Variants in CEP170 observed in about 807,000 individuals in gnomAD.
CEP170 encodes the protein centrosomal protein of 170 kDa.
In CEP170, 21 loss-of-function variants were observed where a neutral mutation model predicts 151.9. The ratio of observed to expected loss-of-function variants is 0.14; its 90% CI spans 0.10 to 0.20. The LOEUF (loss-of-function observed/expected upper bound fraction) is 0.20. CEP170 is among the 10% of genes least tolerant of loss of function. The probability of loss-of-function intolerance (pLI) is 1.00; values close to 1 mark genes in which losing one functional copy is unlikely to be tolerated. For missense variants in CEP170, 964 were observed against 1,892.9 expected, an observed-to-expected ratio of 0.51 and a Z score of 9.11; for synonymous variants, 356 against 648.8, an observed-to-expected ratio of 0.55 and a Z score of 6.86.
At chr1:243,183,046 C>T (rs566010892) in intron 10 of CEP170, among the ~76,000 whole-genome samples, 4,823 of 151,482 alleles carry the variant, frequency 0.032, 257 homozygotes, top group African/African-American at 0.11. Flanking sequence ...GAGATCTCCT[C>T]TTGGAAGCTA....
chr1:243,206,397 T>G (rs1314871410), intron 4 of CEP170, among the ~76,000 whole-genome samples: 9 of 152,210 alleles, frequency 5.9e-5, no homozygotes, highest in Non-Finnish European at 1.0e-4. Flanking sequence ...CCTCCCAAAG[T>G]GCTGGGATTA....
chr1:243,225,708 C>G (rs1448738861), intron 1 of CEP170, among the ~76,000 whole-genome samples: 1 of 152,176 alleles, frequency 6.6e-6, no homozygotes, highest in Non-Finnish European at 1.5e-5. Context: ...GTCTTAGGTA[C>G]AAATGGTTTG....
chr1:243,218,909 C>T (rs2062549145), intron 3 of CEP170, among the ~76,000 whole-genome samples: 1 of 152,166 alleles, frequency 6.6e-6, no homozygotes, highest in Non-Finnish European at 1.5e-5. Context: ...AAGCTGGGTT[C>T]ATAACCACTA....
chr1:243,217,185 G>A (rs1334608051), intron 3 of CEP170, among the ~76,000 whole-genome samples: 1 of 152,184 alleles, frequency 6.6e-6, no homozygotes, highest in Non-Finnish European at 1.5e-5. Context: ...CCACTGCCGT[G>A]TATGTGGTCT....
At chr1:243,195,551 A>G (rs1391076951) in intron 7 of CEP170, among the ~76,000 whole-genome samples, 1 of 152,006 alleles carries the variant, frequency 6.6e-6, no homozygotes, top group Non-Finnish European at 1.5e-5. Flanking sequence ...CAAACACTCT[A>G]TTATCCTTTC....
chr1:243,184,210 A>G (rs2059801998), intron 10 of CEP170, among the ~76,000 whole-genome samples: 1 of 152,016 alleles, frequency 6.6e-6, no homozygotes, highest in African/African-American at 2.4e-5. Context: ...TAATCTAGTG[A>G]TATCGCCTCT....
Position 243,169,722 on chromosome 1 carries a change from C to T in CEP170, c.1749G>A (p.Trp583Ter). Reference protein sequence around the residue: ...EGTSSSGSKRWVSQWASLAAN... With the variant: ...EGTSSSGSKR ...CAGCCAAACTAGCCCACTGTGAAAC[C>T]CAACGTTTGCTTCCAGATGAAGATG... Residue 583 changes from tryptophan (W) to a stop codon, truncating the protein, a stop_gained, in exon 12 of 20, where the codon TGG (tryptophan) becomes TGA (stop). Transcript: ENST00000366542. LOFTEE classifies it high-confidence loss of function. 1 of 1,613,514 alleles carries T rather than the reference C, an allele frequency of 6.2e-7. No individual in the cohort carries two copies. Among genetic ancestry groups the T allele is most frequent in the Non-Finnish European group, 8.5e-7 (1 of 1,179,642 alleles).
rs185515135 is a variant in CEP170, at chr1:243,173,693, G to A, written c.1567-847C>T. ...GGAGGTTACAGTGAGCTGAGATCAC[G>A]CCACTGCATTCCAGCCTGGGCGAAA... is the stretch of plus-strand genomic sequence containing the variant. On this transcript the variant is annotated intron_variant, in intron 10 of 19. Transcript: ENST00000366542. Among the ~76,000 whole-genome samples, 21 of 147,868 alleles carry A rather than the reference G, an allele frequency of 1.4e-4. No individual in the cohort carries two copies. In the East Asian group the frequency reaches 3.2e-3, roughly 23 times the overall value.
chr1:243,173,940 G>A (rs2789303), intron 10 of CEP170, among the ~76,000 whole-genome samples: 1 of 152,024 alleles, frequency 6.6e-6, no homozygotes, highest in Non-Finnish European at 1.5e-5. Context: ...GTTACATTTA[G>A]GCATGAAATT....
Position 243,191,075 on chromosome 1 carries a change from C to G in CEP170, c.1051G>C (p.Glu351Gln). 1 of 1,611,900 alleles carries G rather than the reference C, an allele frequency of 6.2e-7. No individual in the cohort carries two copies. Residue 351 changes from glutamate to glutamine, a missense_variant, in exon 8 of 20, where the codon GAA becomes CAA. Glu to Gln is a conservative substitution (Grantham distance 29). Coordinates refer to ENST00000366542, the MANE Select transcript of CEP170 (RefSeq NM_014812.3). ...CTTTTAATGCTTTTAGAATCCTCTT[C>G]TGTTCTTTCCCATAGCATTTGAGGA... ...NPPQMLWERT[E>Q]EDSKSIKSDV...
intron 7 of CEP170, among the ~76,000 whole-genome samples, chr1:243,195,417 G>T (rs1323119705): frequency 6.6e-6 from 1 of 151,924 alleles, no homozygotes; most frequent in Non-Finnish European, 1.5e-5. Context: ...AATTTCTGGA[G>T]AACGAAATTG....
rs985194670 is a variant in CEP170, at chr1:243,249,740, A to T, written c.-42+5300T>A. Among the ~76,000 whole-genome samples the T allele has an allele frequency of 2.6e-5, 4 of 152,198 alleles. No individual in the cohort carries two copies. In the East Asian group the frequency reaches 7.7e-4, roughly 29 times the overall value. Reference sequence around the variant, plus strand: ...TATCCTCCAGTATATTGTAAACTTCATCTAATTCCTTTACTGCTGGAGGAT... The same window carrying T: ...TATCCTCCAGTATATTGTAAACTTCTTCTAATTCCTTTACTGCTGGAGGAT... On this transcript the variant is annotated intron_variant, in intron 1 of 19. Coordinates refer to ENST00000366542, the MANE Select transcript of CEP170 (RefSeq NM_014812.3).
In CEP170 at chr1:243,136,405, A is replaced by G. The variant is rs1445073847; in HGVS notation, c.4231-174T>C. On this transcript the variant is annotated intron_variant, in intron 16 of 19. Transcript: ENST00000366542. ...TGTAACTAAAATGAGAAAGTGAAAGAAACACTATTAACAAAGGAGTTCTTA... is the reference window on the plus strand; with the variant it reads ...TGTAACTAAAATGAGAAAGTGAAAGGAACACTATTAACAAAGGAGTTCTTA... 5 of 901,240 alleles carry G rather than the reference A, an allele frequency of 5.5e-6. No homozygotes were observed. The African/African-American group carries it at 8.5e-5, about 15-fold the overall frequency. The allele number at this position is 901,240 out of a possible 1,614,324, so 55.8% of individuals were successfully genotyped here.
At chr1:243,218,453 T>C (rs1365858990) in intron 3 of CEP170, among the ~76,000 whole-genome samples, 1 of 152,148 alleles carries the variant, frequency 6.6e-6, no homozygotes, top group South Asian at 2.1e-4. Flanking sequence ...TGCAGGAAAA[T>C]GGCCCGTTAA....
intron 12 of CEP170, 42 bp downstream of exon 12, chr1:243,169,586 G>C (rs1263177672): frequency 6.6e-7 from 1 of 1,506,722 alleles, no homozygotes; most frequent in Non-Finnish European, 9.0e-7. Context: ...TGGAGAAAGA[G>C]AAGAAAAAAG....
At position 243,126,003 on chromosome 1, in the gene CEP170, A is replaced by G. The variant is rs2053664831; in HGVS notation, c.*446T>C. 1 of 388,220 alleles carries G rather than the reference A, an allele frequency of 2.6e-6. No homozygotes were observed. Among genetic ancestry groups the G allele is most frequent in the Non-Finnish European group, 4.9e-6 (1 of 202,482 alleles). 24.0% of individuals were successfully genotyped at this position (388,220 alleles called of 1,614,324 possible). A position where few individuals can be genotyped will look rare whatever the true frequency, so the allele number is the denominator to read the frequency against. On this transcript the variant is annotated 3_prime_UTR_variant, in exon 20 of 20. Transcript: ENST00000366542. ...AATGAGTACTAATATAAATCCTATTATTAAGAAGCAAATAGAATGGTTTAA... is the reference window on the plus strand; with the variant it reads ...AATGAGTACTAATATAAATCCTATTGTTAAGAAGCAAATAGAATGGTTTAA...
chr1:243,197,841 C>CTGT, intron 7 of CEP170, among the ~76,000 whole-genome samples: 1 of 152,122 alleles, frequency 6.6e-6, no homozygotes, highest in South Asian at 2.1e-4. Flanking sequence ...CTAAGTAATA[C>CTGT]TGTTTCTGTG....
intron 13 of CEP170, among the ~76,000 whole-genome samples, chr1:243,162,226 G>C (rs1436542123): frequency 2.0e-5 from 3 of 152,132 alleles, no homozygotes; most frequent in South Asian, 4.1e-4. Flanking sequence ...TCTTCTGGAA[G>C]CTTGCATACA....
At position 243,125,131 on chromosome 1, in the gene CEP170, A is replaced by C. The variant is rs2053603334; in HGVS notation, c.*1318T>G. 6.6e-6 allele frequency: 1 copy of C among 152,146 alleles called. No homozygotes were observed. 9.4% of individuals were successfully genotyped at this position (152,146 alleles called of 1,614,324 possible). A position where few individuals can be genotyped will look rare whatever the true frequency, so the allele number is the denominator to read the frequency against. ...TATAGACTGATGGGGTCAAGGGGGA[A>C]AATCCAGGTCTACTAATAATATTTA... On this transcript the variant is annotated 3_prime_UTR_variant, in exon 20 of 20. Coordinates refer to ENST00000366542, the MANE Select transcript of CEP170 (RefSeq NM_014812.3).
Sources: allele counts gnomAD v4.1 joint callset (sites outside exome capture counted in the v4.1 genomes callset), GRCh38; gene constraint gnomAD v4.1.1; transcripts MANE v1.5; gene names NCBI Gene and HGNC (gene_info 2026-07-23, HGNC 2026-07-21).